EHMT1: variants seen among roughly 807,000 people sequenced by gnomAD.
The protein encoded by EHMT1 is histone-lysine N-methyltransferase EHMT1.
Under a neutral mutation model 147.2 loss-of-function variants are expected in EHMT1, and 15 were observed. The ratio of observed to expected loss-of-function variants is 0.10; its 90% CI spans 0.07 to 0.16. The LOEUF (loss-of-function observed/expected upper bound fraction) is 0.16. Ranked by LOEUF, EHMT1 falls within the 10% of genes least tolerant of loss-of-function variation. The pLI, the probability that EHMT1 is intolerant of heterozygous loss-of-function variation, is 1.00. For missense variants in EHMT1, 1,587 were observed against 1,772.4 expected (o/e 0.90, Z 1.88); for synonymous variants, 795 against 709.6 (o/e 1.12, Z -1.91).
chr9:137,798,993 A>G (rs1347783522), intron 17 of EHMT1, 79 bp downstream of exon 17: 1 of 1,210,194 alleles, frequency 8.3e-7, no homozygotes, highest in African/African-American at 1.5e-5. Flanking sequence ...TCCTGGTCCC[A>G]CCCCCATTCT....
At chr9:137,634,727 G>T (rs1403956629) in intron 1 of EHMT1, among the ~76,000 whole-genome samples, 3 of 131,958 alleles carry the variant, frequency 2.3e-5, no homozygotes, top group Admixed American at 8.3e-5. Flanking sequence ...TTTTTTGACA[G>T]AGTCTCTCTC....
At chr9:137,709,622 A>T (rs904372471) in intron 1 of EHMT1, among the ~76,000 whole-genome samples, 1 of 151,946 alleles carries the variant, frequency 6.6e-6, no homozygotes, top group African/African-American at 2.4e-5. Flanking sequence ...CCCATTGTTG[A>T]CATGTTTTCT....
chr9:137,834,838 C>T lies in EHMT1; in HGVS notation c.3782C>T (p.Pro1261Leu), dbSNP rs754425408. Residue 1261 changes from proline to leucine, a missense_variant, in exon 27 of 27, where the codon CCC (proline) becomes CTC (leucine). Pro to Leu is a moderately conservative substitution (Grantham distance 98). Around this residue, in one of 7 missense-constraint regions of EHMT1, gnomAD observed 141 missense variants for 150.8 expected, o/e 0.94. Transcript: ENST00000460843. ...CTCTTCAGCTGCCGCTGCGGCTCCC[C>T]CAAGTGCCGGCACTCGAGCGCGGCC... is the stretch of plus-strand genomic sequence containing the variant. Reference protein sequence around the residue: ...GKLFSCRCGSPKCRHSSAALA... With the variant: ...GKLFSCRCGSLKCRHSSAALA... 8 of 1,612,450 alleles carry T rather than the reference C, an allele frequency of 5.0e-6. No homozygotes were observed. Among genetic ancestry groups the T allele is most frequent in the Non-Finnish European group, 6.8e-6 (8 of 1,179,654 alleles).
intron 1 of EHMT1, among the ~76,000 whole-genome samples, chr9:137,702,421 G>C (rs943541756): frequency 6.6e-5 from 10 of 152,084 alleles, no homozygotes; most frequent in African/African-American, 2.4e-5. Context: ...AAAACAAAGG[G>C]GCTACAGGCT....
chr9:137,721,498 TCA>T (rs1273969984), intron 3 of EHMT1, among the ~76,000 whole-genome samples: 1 of 69,890 alleles, frequency 1.4e-5, no homozygotes, highest in Admixed American at 1.5e-4. Flanking sequence ...TCTCACCTTC[TCA>T]CACGCCTCTC....
In EHMT1 at chr9:137,775,393, G is replaced by C; in HGVS notation, c.1791+141G>C. ...TCTGGTGTCCGTCTGGAGGTCTCCA[G>C]TGTTCACAAGCCCCTCACCACCCCT... On this transcript the variant is annotated intron_variant, in intron 11 of 26. Transcript: ENST00000460843. This position sits in a 1 kb window ranked among gnomAD's most constrained non-coding sequence, Gnocchi z 6.1. 7.9e-7 allele frequency: 1 copy of C among 1,271,766 alleles called. No individual in the cohort carries two copies. Among genetic ancestry groups the C allele is most frequent in the Admixed American group, 2.0e-5 (1 of 49,388 alleles). 78.8% of individuals were successfully genotyped at this position (1,271,766 alleles called of 1,614,324 possible). A position where few individuals can be genotyped will look rare whatever the true frequency, so the allele number is the denominator to read the frequency against.
intron 24 of EHMT1, chr9:137,817,840 C>G (rs997908149): frequency 4.8e-6 from 3 of 629,902 alleles, no homozygotes; most frequent in African/African-American, 3.7e-5. Context: ...TTCTCAGGTA[C>G]CAGACCGCAG....
At chr9:137,788,146 T>C in intron 15 of EHMT1, 1 of 994,254 alleles carries the variant, frequency 1.0e-6, no homozygotes, top group African/African-American at 1.6e-5. Flanking sequence ...GGTGGGGTGG[T>C]CACTGCCTTC....
At chr9:137,691,347 A>G (rs916805554) in intron 1 of EHMT1, among the ~76,000 whole-genome samples, 3 of 149,410 alleles carry the variant, frequency 2.0e-5, no homozygotes, top group South Asian at 4.2e-4. Flanking sequence ...TTTTTCTTAA[A>G]ATTTTTTTTT....
At chr9:137,661,499 T>TG (rs1471581139) in intron 1 of EHMT1, among the ~76,000 whole-genome samples, 1 of 151,142 alleles carries the variant, frequency 6.6e-6, no homozygotes, top group African/African-American at 2.4e-5. Flanking sequence ...TTTTTTTTTT[T>TG]TTTTTGAGAT....
rs1038444166 is a variant in EHMT1, at chr9:137,784,058, T to G, written c.2382+1661T>G. ...TCCATTTTCTCTAGCTATAAGAGAATACTTGAGACCGGGTCATTTATAAAG... is the reference window on the plus strand; with the variant it reads ...TCCATTTTCTCTAGCTATAAGAGAAGACTTGAGACCGGGTCATTTATAAAG... On this transcript the variant is annotated intron_variant, in intron 15 of 26. Coordinates refer to ENST00000460843, the MANE Select transcript of EHMT1 (RefSeq NM_024757.5). The G allele has an allele frequency of 6.6e-6, 6 of 904,262 alleles. No individual in the cohort carries two copies. In the African/African-American group the frequency reaches 9.9e-5, roughly 15 times the overall value. The allele number at this position is 904,262 out of a possible 1,614,324, so 56.0% of individuals were successfully genotyped here. A position where few individuals can be genotyped will look rare whatever the true frequency, so the allele number is the denominator to read the frequency against.
At chr9:137,761,872 T>C (rs911580716) in intron 9 of EHMT1, among the ~76,000 whole-genome samples, 2 of 152,266 alleles carry the variant, frequency 1.3e-5, no homozygotes, top group Non-Finnish European at 2.9e-5. Context: ...GCGATCTGGC[T>C]TCCTTTGGGA....
At chr9:137,684,173 C>T (rs1942221308) in intron 1 of EHMT1, among the ~76,000 whole-genome samples, 1 of 151,894 alleles carries the variant, frequency 6.6e-6, no homozygotes, top group African/African-American at 2.4e-5. Context: ...GTAGCTGGGA[C>T]AGGAGCATGC....
chr9:137,669,830 G>T (rs1940337891), intron 1 of EHMT1, among the ~76,000 whole-genome samples: 1 of 152,076 alleles, frequency 6.6e-6, no homozygotes, highest in South Asian at 2.1e-4. Context: ...TGATATTACA[G>T]GTGTGAGCCA....
Position 137,780,308 on chromosome 9 carries a change from G to A in EHMT1, c.2275+591G>A, listed in dbSNP as rs538967898. On this transcript the variant is annotated intron_variant, in intron 14 of 26. Transcript: ENST00000460843. ...ATGTGTGGTGATGACGCTGAGATGT[G>A]TGGTGATGACGGCATCACTGAGATG... 3.0e-3 allele frequency among the ~76,000 whole-genome samples: 405 copies of A among 137,000 alleles called. 3 individuals are homozygous for A. Among genetic ancestry groups the A allele is most frequent in the African/African-American group, 0.011 (387 of 35,312 alleles). 89.9% of individuals were successfully genotyped at this position (137,000 alleles called of 152,430 possible).
At chr9:137,653,804 G>A (rs1253654168) in intron 1 of EHMT1, among the ~76,000 whole-genome samples, 6 of 152,184 alleles carry the variant, frequency 3.9e-5, no homozygotes, top group Admixed American at 6.5e-5. Context: ...GATTACAGGC[G>A]TTAGCCACTG....
At chr9:137,695,989 G>A (rs991451935) in intron 1 of EHMT1, among the ~76,000 whole-genome samples, 3 of 152,240 alleles carry the variant, frequency 2.0e-5, no homozygotes, top group African/African-American at 7.2e-5. Context: ...TTTCTTTGCA[G>A]AGAGGCTCAA....
At chr9:137,640,803 CAG>C (rs982508697) in intron 1 of EHMT1, among the ~76,000 whole-genome samples, 6 of 152,228 alleles carry the variant, frequency 3.9e-5, no homozygotes, top group African/African-American at 1.4e-4. Context: ...GAGTTTGAAA[CAG>C]AAAGAGGTAG....
At chr9:137,729,758 C>T (rs1178124255) in intron 4 of EHMT1, among the ~76,000 whole-genome samples, 3 of 151,916 alleles carry the variant, frequency 2.0e-5, no homozygotes, top group African/African-American at 7.3e-5. Flanking sequence ...AAGTTGTAAA[C>T]ATTGTGCCCT....
Sources: gnomAD v4.1 joint callset for allele counts (sites outside exome capture counted in the v4.1 genomes callset) on GRCh38, gnomAD v4.1.1 for gene constraint, gnomAD v4.1.1 regional missense constraint, Gnocchi (gnomAD v3.1) non-coding constraint, MANE v1.5 for transcripts, NCBI Gene and HGNC (gene_info 2026-07-23, HGNC 2026-07-21) for gene names.